XPC: variants seen among roughly 807,000 people sequenced by gnomAD.
XPC encodes the protein DNA repair protein complementing XP-C cells.
In XPC, 76 loss-of-function variants were observed where a neutral mutation model predicts 95.8. The observed-to-expected ratio is 0.79, with a 90% confidence interval of 0.66 to 0.96. XPC has a LOEUF of 0.96. XPC is among the 40% of genes least tolerant of loss of function. The probability of loss-of-function intolerance (pLI) is 0.00; values close to 1 mark genes in which losing one functional copy is unlikely to be tolerated. For missense variants in XPC, 1,146 were observed against 1,179.8 expected (o/e 0.97, Z 0.42); for synonymous variants, 442 against 442.1 (o/e 1.00, Z 0.00).
Position 14,148,621 on chromosome 3 carries a change from G to A in XPC, c.2361C>T (p.Asp787=). 1 of 1,614,044 alleles carries A rather than the reference G, an allele frequency of 6.2e-7. No homozygotes were observed. The highest frequency in any genetic ancestry group is 1.3e-5 in the African/African-American group (1 of 75,056). ...PNLHRVARKL[D]IDCVQAITGF... Reference sequence around the variant, plus strand: ...CAGTGATGGCCTGGACACAGTCGATGTCCAGCTTGCGGGCCACGCGGTGTA... The same window carrying A: ...CAGTGATGGCCTGGACACAGTCGATATCCAGCTTGCGGGCCACGCGGTGTA... The change falls in exon 13 of 16, where the codon GAC becomes GAT. Residue 787 remains aspartate (D), a synonymous_variant. Coordinates refer to ENST00000285021, the MANE Select transcript of XPC (RefSeq NM_004628.5).
intron 9 of XPC, among the ~76,000 whole-genome samples, chr3:14,157,651 G>C (rs762722262): frequency 7.2e-5 from 11 of 152,138 alleles, no homozygotes; most frequent in East Asian, 1.9e-4. Context: ...CACGCATGAT[G>C]GGGGAGGGGG....
intron 15 of XPC, among the ~76,000 whole-genome samples, chr3:14,146,735 G>A (rs1453682024): frequency 6.6e-6 from 1 of 152,222 alleles, no homozygotes; most frequent in Admixed American, 6.5e-5. Context: ...TTGGAGAGAG[G>A]GAACAAAACA....
intron 8 of XPC, among the ~76,000 whole-genome samples, chr3:14,159,144 G>T (rs1388998111): frequency 1.3e-5 from 2 of 152,108 alleles, no homozygotes; most frequent in African/African-American, 4.8e-5. Flanking sequence ...AAGAACATGG[G>T]ATTTGGACAG....
At chr3:14,150,533 A>G in intron 11 of XPC, among the ~76,000 whole-genome samples, 1 of 152,198 alleles carries the variant, frequency 6.6e-6, no homozygotes, top group Admixed American at 6.5e-5. Context: ...CCATTCACCC[A>G]GCACACTGTT....
At chr3:14,171,831 C>CCGGGATGGGGA (rs1181898384) in intron 2 of XPC, among the ~76,000 whole-genome samples, 7 of 152,068 alleles carry the variant, frequency 4.6e-5, no homozygotes, top group African/African-American at 7.2e-5. Flanking sequence ...AAGGACGGGA[C>CCGGGATGGGGA]CGGGATGGGG....
chr3:14,152,285 C>T (rs767016673), intron 11 of XPC, 50 bp downstream of exon 11: 2 of 1,550,158 alleles, frequency 1.3e-6, no homozygotes, highest in South Asian at 1.2e-5. Flanking sequence ...TCCCGCTCAG[C>T]TACAGGCCTG....
At chr3:14,177,018 T>G (rs1195913655) in intron 1 of XPC, among the ~76,000 whole-genome samples, 5 of 152,108 alleles carry the variant, frequency 3.3e-5, no homozygotes, top group African/African-American at 1.2e-4. Context: ...GAGAATCACT[T>G]GAACCTAGGA....
At chr3:14,166,360 G>A (rs910163936) in intron 5 of XPC, among the ~76,000 whole-genome samples, 1 of 152,066 alleles carries the variant, frequency 6.6e-6, no homozygotes, top group Non-Finnish European at 1.5e-5. Flanking sequence ...CCCCAGGCCT[G>A]GGTGAGGGAG....
chr3:14,167,046 G>C, intron 5 of XPC, 123 bp downstream of exon 5: 1 of 798,212 alleles, frequency 1.3e-6, no homozygotes, highest in South Asian at 2.4e-5. Flanking sequence ...GGATGCAAAG[G>C]CTCAGAGAGA....
chr3:14,178,449 C>G lies in XPC; in HGVS notation c.103+17G>C. 1 of 1,596,754 alleles carries G rather than the reference C, an allele frequency of 6.3e-7. No homozygotes were observed. On this transcript the variant is annotated intron_variant, in intron 1 of 15. Transcript: ENST00000285021. ...CCGGCGGCGTCTCCCGCGAAGCCCG[C>G]TGGGCCTCGCTCTCACCCTCCTCCT...
intron 7 of XPC, among the ~76,000 whole-genome samples, chr3:14,160,805 C>T (rs1432907449): frequency 3.3e-5 from 5 of 152,338 alleles, no homozygotes; most frequent in Non-Finnish European, 2.9e-5. Context: ...CAGCATGGCA[C>T]AGGAGCACAG....
chr3:14,172,166 A>C (rs773230365), intron 2 of XPC, among the ~76,000 whole-genome samples: 64 of 152,166 alleles, frequency 4.2e-4, no homozygotes, highest in Admixed American at 7.2e-4. Flanking sequence ...ATACTTGTTC[A>C]GTTTCTGCCA....
chr3:14,157,528 A>C (rs939022054), intron 9 of XPC, among the ~76,000 whole-genome samples: 2 of 152,078 alleles, frequency 1.3e-5, no homozygotes, highest in African/African-American at 4.8e-5. Context: ...CAATAGACTG[A>C]AGATACTGTC....
rs1235785240 is a variant in XPC at position 14,170,318 on chromosome 3, G to A, written c.412+120C>T. On this transcript the variant is annotated intron_variant, in intron 3 of 15. Transcript: ENST00000285021. ...GCAAGTCCCTAGTACAACCTTATCT[G>A]TGGTCTAATTAGCTCAAAAGAAAAC... 3 of 911,100 alleles carry A rather than the reference G, an allele frequency of 3.3e-6. No individual in the cohort carries two copies. The East Asian group carries it at 7.4e-5, about 23-fold the overall frequency. The allele number at this position is 911,100 out of a possible 1,614,324, so 56.4% of individuals were successfully genotyped here. A position where few individuals can be genotyped will look rare whatever the true frequency, so the allele number is the denominator to read the frequency against.
At chr3:14,163,016 T>G (rs1224537663) in intron 7 of XPC, among the ~76,000 whole-genome samples, 2 of 152,168 alleles carry the variant, frequency 1.3e-5, no homozygotes, top group Non-Finnish European at 2.9e-5. Context: ...GAAAAGACAC[T>G]CATCATCATG....
intron 9 of XPC, among the ~76,000 whole-genome samples, chr3:14,157,810 G>A (rs936054038): frequency 6.6e-6 from 1 of 152,224 alleles, no homozygotes; most frequent in East Asian, 1.9e-4. Context: ...AAGCACCGCG[G>A]CAGTTCATCT....
At chr3:14,167,377 G>A in intron 4 of XPC, 124 bp from the exon 5 acceptor site, 1 of 855,600 alleles carries the variant, frequency 1.2e-6, no homozygotes, top group African/African-American at 1.7e-5. Context: ...ACACAAGGCT[G>A]TGCTACTCAA....
Position 14,148,641 on chromosome 3 carries a change from G to A in XPC, c.2341C>T (p.Arg781Cys), listed in dbSNP as rs746768609. Reference sequence around the variant, plus strand: ...TCGATGTCCAGCTTGCGGGCCACGCGGTGTAGATTGGGCAGGTTCAGCTGG... The same window carrying A: ...TCGATGTCCAGCTTGCGGGCCACGCAGTGTAGATTGGGCAGGTTCAGCTGG... ...CVQLNLPNLH[R>C]VARKLDIDCV... The change falls in exon 13 of 16, where the codon CGC becomes TGC. Residue 781 changes from arginine (R) to cysteine (C), a missense_variant. Coordinates refer to ENST00000285021, the MANE Select transcript of XPC (RefSeq NM_004628.5). The A allele has an allele frequency of 5.6e-6, 9 of 1,613,900 alleles. No homozygotes were observed. The highest frequency in any genetic ancestry group is 2.2e-5 in the East Asian group (1 of 44,880).
chr3:14,166,203 T>TC (rs778450198), intron 5 of XPC, among the ~76,000 whole-genome samples: 4 of 151,822 alleles, frequency 2.6e-5, no homozygotes, highest in African/African-American at 4.8e-5. Context: ...ATTGGCTTCC[T>TC]CCCCCCCGAC....
Sources: gnomAD v4.1 joint callset for allele counts (sites outside exome capture counted in the v4.1 genomes callset) on GRCh38, gnomAD v4.1.1 for gene constraint, MANE v1.5 for transcripts, NCBI Gene and HGNC (gene_info 2026-07-23, HGNC 2026-07-21) for gene names.